RAB18: variants seen among roughly 807,000 people sequenced by gnomAD.
RAB18 encodes the protein RAB18, member RAS oncogene family, also known as ras-related protein Rab-18.
Under a neutral mutation model 28.5 loss-of-function variants are expected in RAB18, and 10 were observed. That is an observed-to-expected ratio of 0.35 (90% confidence interval 0.22 to 0.60). The LOEUF (loss-of-function observed/expected upper bound fraction) is 0.60. Ranked by LOEUF, RAB18 falls within the 20% of genes least tolerant of loss-of-function variation. The pLI is 0.78. For missense variants in RAB18, 188 were observed against 244.2 expected (o/e 0.77, Z 1.53); for synonymous variants, 93 against 86.9 (o/e 1.07, Z -0.39).
chr10:27,534,576 G>A (rs1462245942), intron 6 of RAB18, among the ~76,000 whole-genome samples: 1 of 152,162 alleles, frequency 6.6e-6, no homozygotes, highest in East Asian at 1.9e-4. Flanking sequence ...GAGGCCATAC[G>A]GCCCACGAAG....
At chr10:27,530,614 T>C (rs1834769217) in intron 3 of RAB18, among the ~76,000 whole-genome samples, 1 of 151,934 alleles carries the variant, frequency 6.6e-6, no homozygotes, top group South Asian at 2.1e-4. Flanking sequence ...AAAATATACA[T>C]TTTTTATTGA....
In RAB18 at chr10:27,530,501, TTA is replaced by T. The variant is rs567725501; in HGVS notation, c.187-2003_187-2002del. ...GCTTAACATGGTGCAGTTCTCAAAG[TTA>T]TAATGTATCTGGATACTGAATAATT... On this transcript the variant is annotated intron_variant, in intron 3 of 6. Coordinates refer to ENST00000356940, the MANE Select transcript of RAB18 (RefSeq NM_021252.5). 6.6e-4 allele frequency among the ~76,000 whole-genome samples: 100 copies of T among 151,926 alleles called. 1 individual carries two copies. The highest frequency in any genetic ancestry group is 2.3e-3 in the African/African-American group (97 of 41,514).
In RAB18 at chr10:27,529,677, A is replaced by T. The variant is rs530757487; in HGVS notation, c.186+2788A>T. Among the ~76,000 whole-genome samples, 4 of 152,112 alleles carry T rather than the reference A, an allele frequency of 2.6e-5. No individual in the cohort carries two copies. In the South Asian group the frequency reaches 8.3e-4, roughly 32 times the overall value. On this transcript the variant is annotated intron_variant, in intron 3 of 6. Transcript: ENST00000356940. ...CAGAAAATAAAACTACAGGATAGAG[A>T]CAAAAAGCTGTGCTTCATTTATCTT... is the stretch of plus-strand genomic sequence containing the variant.
Position 27,540,110 on chromosome 10 carries a change from T to C in RAB18, c.*2059T>C. On this transcript the variant is annotated 3_prime_UTR_variant, in exon 7 of 7. Transcript: ENST00000356940. ...AATTAGAATATAGTATTTTGAGTTCTAGTAGTACTGAGATTGACCCAAACA... is the reference window on the plus strand; with the variant it reads ...AATTAGAATATAGTATTTTGAGTTCCAGTAGTACTGAGATTGACCCAAACA... 2.2e-6 allele frequency: 1 copy of C among 454,068 alleles called. No individual in the cohort carries two copies. Among genetic ancestry groups the C allele is most frequent in the South Asian group, 1.6e-5 (1 of 64,462 alleles). The allele number at this position is 454,068 out of a possible 1,614,324, so 28.1% of individuals were successfully genotyped here.
Position 27,509,928 on chromosome 10 carries a change from T to C in RAB18, c.122T>C (p.Ile41Thr), listed in dbSNP as rs1834292927. 1 of 1,609,376 alleles carries C rather than the reference T, an allele frequency of 6.2e-7. No homozygotes were observed. The highest frequency in any genetic ancestry group is 8.5e-7 in the Non-Finnish European group (1 of 1,176,038). Residue 41 changes from isoleucine (I) to threonine (T), a missense_variant and splice_region_variant, in exon 2 of 7, where the codon ATA becomes ACA. Transcript: ENST00000356940. ...DTFDPELAAT[I>T]GVDFKVKTIS... ...TTTGATCCAGAACTTGCAGCAACAA[T>C]AGGTAAGCCTGTGTTTAAAAATTCT...
intron 1 of RAB18, chr10:27,504,725 G>T: frequency 1.5e-6 from 1 of 659,156 alleles, no homozygotes; most frequent in South Asian, 1.5e-5. Flanking sequence ...CGGCCGGCAG[G>T]TTTGCTGCGC....
rs530918490 is a variant in RAB18 at position 27,506,085 on chromosome 10, C to G, written c.68+1648C>G. On this transcript the variant is annotated intron_variant, in intron 1 of 6. Transcript: ENST00000356940. The stretch of plus-strand genomic sequence containing the variant: ...CGTTGTCTTAATAGGAATTTCACAG[C>G]CTTGTGATCTTTCTTTTTCTTTTCT... Among the ~76,000 whole-genome samples the G allele has an allele frequency of 2.6e-5, 4 of 152,228 alleles. No individual in the cohort carries two copies. The South Asian group carries it at 8.3e-4, about 32-fold the overall frequency.
In RAB18 at chr10:27,533,799, A is replaced by G. The variant is rs1165325359; in HGVS notation, c.324A>G (p.Thr108=). 7 of 1,613,678 alleles carry G rather than the reference A, an allele frequency of 4.3e-6. No individual in the cohort carries two copies. Among genetic ancestry groups the G allele is most frequent in the Non-Finnish European group, 4.2e-6 (5 of 1,179,802 alleles). Residue 108 remains threonine, a synonymous_variant, in exon 5 of 7, where the codon ACA becomes ACG. Coordinates refer to ENST00000356940, the MANE Select transcript of RAB18 (RefSeq NM_021252.5). ...ATAATTGGTTAAATGAATTGGAAAC[A>G]TACTGTACAAGAAATGACATAGTAA... The part of the protein sequence containing the change: ...KLDNWLNELE[T]YCTRNDIVNM...
chr10:27,533,701 A>G, intron 4 of RAB18, 34 bp from the exon 5 acceptor site: 1 of 1,608,688 alleles, frequency 6.2e-7, no homozygotes, highest in Middle Eastern at 1.9e-4. Flanking sequence ...TCTTTCTTTA[A>G]TGCTTATTTA....
In RAB18 at chr10:27,538,991, G is replaced by C. The variant is rs760771897; in HGVS notation, c.*940G>C. 2.3e-6 allele frequency: 1 copy of C among 435,090 alleles called. No individual in the cohort carries two copies. The highest frequency in any genetic ancestry group is 4.6e-6 in the Non-Finnish European group (1 of 215,502). The allele number at this position is 435,090 out of a possible 1,614,324, so 27.0% of individuals were successfully genotyped here. A position where few individuals can be genotyped will look rare whatever the true frequency, so the allele number is the denominator to read the frequency against. On this transcript the variant is annotated 3_prime_UTR_variant, in exon 7 of 7. Coordinates refer to ENST00000356940, the MANE Select transcript of RAB18 (RefSeq NM_021252.5). ...TCAAAAACCTATTTCTGTGTTTTGA[G>C]GGGTGGGGAAAAAAAACACTAAGTG...
chr10:27,523,276 T>TC (rs1834601535), intron 2 of RAB18, among the ~76,000 whole-genome samples: 1 of 148,120 alleles, frequency 6.8e-6, no homozygotes, highest in Admixed American at 6.7e-5. Flanking sequence ...TTTTTTTTTT[T>TC]TTTTTTTTTT....
intron 3 of RAB18, among the ~76,000 whole-genome samples, chr10:27,531,330 C>G (rs918889295): frequency 4.6e-5 from 7 of 151,934 alleles, no homozygotes; most frequent in African/African-American, 1.7e-4. Flanking sequence ...GACTGCAGAT[C>G]CTCCCTACTG....
rs1015701042 is a variant in RAB18 at position 27,505,170 on chromosome 10, G to A, written c.68+733G>A. The A allele has an allele frequency of 9.4e-6, 5 of 531,410 alleles. No homozygotes were observed. The African/African-American group carries it at 9.6e-5, about 10-fold the overall frequency. 32.9% of individuals were successfully genotyped at this position (531,410 alleles called of 1,614,324 possible). The stretch of plus-strand genomic sequence containing the variant: ...CTTTTTCCTTGGGGAAAATAATATT[G>A]ACAGTGGAGTTGAGTATAAGGTAAG... On this transcript the variant is annotated intron_variant, in intron 1 of 6. Transcript: ENST00000356940.
At chr10:27,507,380 A>G (rs1229104946) in intron 1 of RAB18, among the ~76,000 whole-genome samples, 2 of 152,160 alleles carry the variant, frequency 1.3e-5, no homozygotes, top group Admixed American at 1.3e-4. Flanking sequence ...CTTCATTTCA[A>G]AAGCGAGGGG....
chr10:27,518,459 A>G (rs773612161), intron 2 of RAB18, among the ~76,000 whole-genome samples: 3 of 152,134 alleles, frequency 2.0e-5, no homozygotes, highest in African/African-American at 4.8e-5. Context: ...GTAAGTAGGT[A>G]TGTGTTCAGA....
At chr10:27,537,772 A>G in intron 6 of RAB18, 104 bp from the exon 7 acceptor site, 1 of 974,110 alleles carries the variant, frequency 1.0e-6, no homozygotes, top group South Asian at 1.5e-5. Context: ...TTGGATCTTA[A>G]TATATTGTAG....
chr10:27,533,402 C>T (rs1006683340), intron 4 of RAB18, among the ~76,000 whole-genome samples: 6 of 151,260 alleles, frequency 4.0e-5, no homozygotes, highest in Admixed American at 1.3e-4. Flanking sequence ...AATCTAAACA[C>T]TCTGGTTTTT....
chr10:27,537,451 C>A (rs369317982), intron 6 of RAB18, among the ~76,000 whole-genome samples: 2 of 152,142 alleles, frequency 1.3e-5, no homozygotes, highest in African/African-American at 4.8e-5. Context: ...CTGCCTGGAG[C>A]TGCTTGGTTG....
At chr10:27,521,469 T>C (rs1276350107) in intron 2 of RAB18, among the ~76,000 whole-genome samples, 3 of 152,142 alleles carry the variant, frequency 2.0e-5, no homozygotes, top group African/African-American at 7.2e-5. Flanking sequence ...CATCAATCAA[T>C]GAGTAGATAA....
Sources: allele counts gnomAD v4.1 joint callset (sites outside exome capture counted in the v4.1 genomes callset), GRCh38; gene constraint gnomAD v4.1.1; transcripts MANE v1.5; gene names NCBI Gene and HGNC (gene_info 2026-07-23, HGNC 2026-07-21).